The following FECH variants were observed in gnomAD, a reference collection of about 807,000 sequenced individuals.
The protein encoded by FECH is ferrochelatase.
Under a neutral mutation model 56.9 loss-of-function variants are expected in FECH, and 40 were observed. The observed-to-expected ratio is 0.70, with a 90% CI of 0.55 to 0.92. FECH has a LOEUF of 0.92. Ranked by LOEUF, FECH falls within the 40% of genes least tolerant of loss-of-function variation. The pLI, the probability that FECH is intolerant of heterozygous loss-of-function variation, is 0.00. For missense variants in FECH, 431 were observed against 529.1 expected, an observed-to-expected ratio of 0.81 and a Z score of 1.82; for synonymous variants, 175 against 198.6, an observed-to-expected ratio of 0.88 and a Z score of 1.00.
intron 4 of FECH, among the ~76,000 whole-genome samples, chr18:57,568,051 G>T (rs1440495593): frequency 1.3e-5 from 2 of 152,158 alleles, no homozygotes; most frequent in Non-Finnish European, 2.9e-5. Context: ...TATGTGCTTT[G>T]TGCTAAAAAC....
chr18:57,586,380 A>T (rs2051373771), intron 1 of FECH, among the ~76,000 whole-genome samples, 174 bp downstream of exon 1: 1 of 151,796 alleles, frequency 6.6e-6, no homozygotes, highest in South Asian at 2.1e-4. Context: ...CCGAGCCCTG[A>T]GTGCTGCCCT....
intron 7 of FECH, among the ~76,000 whole-genome samples, chr18:57,557,269 A>G (rs2050880738): frequency 6.6e-6 from 1 of 152,222 alleles, no homozygotes; most frequent in Non-Finnish European, 1.5e-5. Flanking sequence ...AATAAAGTTT[A>G]AAAAGTTGTC....
intron 2 of FECH, among the ~76,000 whole-genome samples, chr18:57,579,712 T>C (rs1465113743): frequency 1.3e-5 from 2 of 152,226 alleles, no homozygotes; most frequent in African/African-American, 4.8e-5. Context: ...GGTAGACCAG[T>C]TATTCGTTAT....
chr18:57,555,068 T>C (rs993022188), intron 7 of FECH, 116 bp from the exon 8 acceptor site: 11 of 786,918 alleles, frequency 1.4e-5, no homozygotes, highest in East Asian at 2.6e-5. Flanking sequence ...TTCTGTCTCC[T>C]GCACCAATGA....
intron 1 of FECH, 144 bp from the exon 2 acceptor site, chr18:57,580,343 G>T: frequency 2.5e-6 from 3 of 1,191,922 alleles, no homozygotes; most frequent in Non-Finnish European, 2.4e-6. Flanking sequence ...CTGCAGGCAG[G>T]TAAAGGAACT....
chr18:57,557,106 T>C lies in FECH; in HGVS notation c.804+2039A>G, dbSNP rs564119175. On this transcript the variant is annotated intron_variant, in intron 7 of 10. Coordinates refer to ENST00000262093, the MANE Select transcript of FECH (RefSeq NM_000140.5). ...CACATGAAGCCTGGAGTGCAGTTAA[T>C]AGTATTGTACCAGCGCTGGTTTCTC... Among the ~76,000 whole-genome samples the C allele has an allele frequency of 3.9e-4, 60 of 152,146 alleles. 1 individual carries two copies. The highest frequency in any genetic ancestry group is 3.9e-3 in the Admixed American group (59 of 15,290).
chr18:57,582,542 C>T (rs892037876), intron 1 of FECH, among the ~76,000 whole-genome samples: 1 of 151,354 alleles, frequency 6.6e-6, no homozygotes. Flanking sequence ...GTGGGAGGAT[C>T]GCTTGAGCCC....
At chr18:57,584,808 A>G (rs1220779887) in intron 1 of FECH, among the ~76,000 whole-genome samples, 1 of 149,580 alleles carries the variant, frequency 6.7e-6, no homozygotes, top group Non-Finnish European at 1.5e-5. Context: ...TTATCCTAGA[A>G]TTGTTTTTCT....
intron 2 of FECH, among the ~76,000 whole-genome samples, chr18:57,579,444 T>C (rs990889932): frequency 1.3e-5 from 2 of 152,024 alleles, no homozygotes; most frequent in Non-Finnish European, 2.9e-5. Context: ...TATGTACTCA[T>C]CTCGATAACT....
At chr18:57,560,945 T>C (rs2050936656) in intron 6 of FECH, among the ~76,000 whole-genome samples, 2 of 152,184 alleles carry the variant, frequency 1.3e-5, no homozygotes, top group Non-Finnish European at 2.9e-5. Flanking sequence ...TCCTAAGGCA[T>C]AAAATGGTAC....
intron 5 of FECH, among the ~76,000 whole-genome samples, chr18:57,565,967 G>A (rs2051010472): frequency 6.6e-6 from 1 of 152,144 alleles, no homozygotes; most frequent in South Asian, 2.1e-4. Flanking sequence ...ACCCCAAACT[G>A]GGCTTTAGTT....
chr18:57,571,589 C>T, intron 3 of FECH, 49 bp from the exon 4 acceptor site: 1 of 1,613,848 alleles, frequency 6.2e-7, no homozygotes, highest in Non-Finnish European at 8.5e-7. Context: ...AGCTTAGCAA[C>T]CTGAGAAATG....
At chr18:57,558,554 A>T (rs1367337761) in intron 7 of FECH, among the ~76,000 whole-genome samples, 1 of 152,244 alleles carries the variant, frequency 6.6e-6, no homozygotes, top group East Asian at 1.9e-4. Context: ...CTGACAGGGC[A>T]GGCAAAAGCA....
At chr18:57,586,302 A>G (rs546864674) in intron 1 of FECH, among the ~76,000 whole-genome samples, 5 of 152,318 alleles carry the variant, frequency 3.3e-5, no homozygotes, top group African/African-American at 1.2e-4. Context: ...CACTGCTCCA[A>G]GCCACCCAGC....
intron 9 of FECH, among the ~76,000 whole-genome samples, chr18:57,552,398 T>G (rs1157166175): frequency 6.6e-6 from 1 of 151,640 alleles, no homozygotes; most frequent in African/African-American, 2.4e-5. Flanking sequence ...TTTATTTTAT[T>G]TATTTATTTA....
chr18:57,579,289 A>ATGTGTGTGTGTGTGTGTG (rs71171043), intron 2 of FECH, among the ~76,000 whole-genome samples: 1 of 141,920 alleles, frequency 7.0e-6, no homozygotes, highest in African/African-American at 2.7e-5. Flanking sequence ...GTGTGTATAT[A>ATGTGTGTGTGTGTGTGTG]TGTGTGTGTG....
At chr18:57,560,813 C>T (rs941776428) in intron 6 of FECH, among the ~76,000 whole-genome samples, 2 of 152,178 alleles carry the variant, frequency 1.3e-5, no homozygotes, top group Admixed American at 1.3e-4. Flanking sequence ...TGTAAATCTG[C>T]ACTTGTTGGT....
rs2050701965 is a variant in FECH, at chr18:57,545,045, A to G, written c.*5667T>C. On this transcript the variant is annotated 3_prime_UTR_variant, in exon 11 of 11. Coordinates refer to ENST00000262093, the MANE Select transcript of FECH (RefSeq NM_000140.5). ...TACATGGATTATCAAGGTTAAATCT[A>G]TTCTTTCTTAACATGACAGGAAAGT... is the stretch of plus-strand genomic sequence containing the variant. Among the ~76,000 whole-genome samples, 1 of 152,202 alleles carries G rather than the reference A, an allele frequency of 6.6e-6. No individual in the cohort carries two copies. Among genetic ancestry groups the G allele is most frequent in the African/African-American group, 2.4e-5 (1 of 41,458 alleles).
At chr18:57,583,668 G>C (rs2051318935) in intron 1 of FECH, among the ~76,000 whole-genome samples, 1 of 152,158 alleles carries the variant, frequency 6.6e-6, no homozygotes, top group South Asian at 2.1e-4. Context: ...CCTTTAGAAG[G>C]CCTACAAACA....
Sources: gnomAD v4.1 joint callset for allele counts (sites outside exome capture counted in the v4.1 genomes callset) on GRCh38, gnomAD v4.1.1 for gene constraint, MANE v1.5 for transcripts, NCBI Gene and HGNC (gene_info 2026-07-23, HGNC 2026-07-21) for gene names.